Variants in TEKTIP1 observed in about 807,000 individuals in gnomAD.
TEKTIP1 encodes tektin bundle-interacting protein 1.
the TEKTIP1 span, chr19:3,541,709 A>G: frequency 1.0e-6 from 1 of 985,232 alleles, no homozygotes; most frequent in African/African-American, 1.7e-5. Context: ...TGCATGTACC[A>G]CCTGCTCCTG....
chr19:3,541,713 G>A, the TEKTIP1 span: 3 of 985,284 alleles, frequency 3.0e-6, no homozygotes, highest in Non-Finnish European at 3.6e-6. Flanking sequence ...TGTACCACCT[G>A]CTCCTGGGAG....
the TEKTIP1 span, chr19:3,543,143 C>A: frequency 6.6e-7 from 1 of 1,512,648 alleles, no homozygotes. Context: ...GTGGGCCAGG[C>A]CTCTACATCA....
the TEKTIP1 span, chr19:3,543,554 G>C: frequency 7.0e-7 from 1 of 1,432,222 alleles, no homozygotes; most frequent in African/African-American, 1.6e-5. Flanking sequence ...CCCCACCGCA[G>C]CCTACACCCA....
the TEKTIP1 span, chr19:3,543,188 A>G: frequency 1.3e-6 from 2 of 1,528,064 alleles, no homozygotes; most frequent in Non-Finnish European, 1.8e-6. Context: ...GGGTCAAAGC[A>G]CTCGCTGTAG....
the TEKTIP1 span, among the ~76,000 whole-genome samples, chr19:3,540,467 A>T: frequency 1.3e-5 from 2 of 149,446 alleles, no homozygotes; most frequent in Admixed American, 6.7e-5. Flanking sequence ...CATGTTGGCC[A>T]GGATGGTCTC....
chr19:3,543,778 G>A, the TEKTIP1 span: 3 of 1,491,776 alleles, frequency 2.0e-6, no homozygotes, highest in South Asian at 3.9e-5. Flanking sequence ...GCCCCTTGCT[G>A]GCCAACGGCG....
At chr19:3,543,832 T>G in the TEKTIP1 span, 1 of 1,530,072 alleles carries the variant, frequency 6.5e-7, no homozygotes. Context: ...CCTACAGTGC[T>G]CAACAGGAAC....
chr19:3,543,978 TC>T, the TEKTIP1 span: 8 of 1,546,596 alleles, frequency 5.2e-6, no homozygotes, highest in Middle Eastern at 1.7e-4. Flanking sequence ...CTGCCAGCGG[TC>T]CCCGCCTTCC....
At chr19:3,543,102 T>C in the TEKTIP1 span, 1 of 1,538,600 alleles carries the variant, frequency 6.5e-7, no homozygotes, top group Non-Finnish European at 8.7e-7. Context: ...AAGGACAGAC[T>C]CCAAGTGGCG....
chr19:3,539,562 C>CG, the TEKTIP1 span: 29 of 389,216 alleles, frequency 7.5e-5, no homozygotes, highest in Non-Finnish European at 1.3e-4. Context: ...CAGGCCTGTG[C>CG]GGGGCTGGGC....
the TEKTIP1 span, chr19:3,539,441 T>TG: frequency 7.0e-5 from 41 of 586,856 alleles, no homozygotes; most frequent in Middle Eastern, 1.3e-3. Context: ...CCGCTCACTG[T>TG]GGGGGCTACA....
At chr19:3,543,782 A>C in the TEKTIP1 span, 1 of 1,492,150 alleles carries the variant, frequency 6.7e-7, no homozygotes, top group South Asian at 1.3e-5. Context: ...CTTGCTGGCC[A>C]ACGGCGAGGA....
At chr19:3,544,013 G>A in the TEKTIP1 span, 4 of 1,533,378 alleles carry the variant, frequency 2.6e-6, no homozygotes, top group Non-Finnish European at 3.5e-6. Context: ...CCCGATAAAG[G>A]CATGCTACCA....
chr19:3,543,629 C>G, the TEKTIP1 span: 1 of 1,544,394 alleles, frequency 6.5e-7, no homozygotes, highest in Non-Finnish European at 8.7e-7. Flanking sequence ...CCCCAGCACC[C>G]GGTGGGGGAG....
At chr19:3,543,413 C>T in the TEKTIP1 span, 140 of 1,547,986 alleles carry the variant, frequency 9.0e-5, 2 homozygotes, top group Middle Eastern at 1.7e-3. Context: ...CAGCCCCTTC[C>T]GCGAGGCCTA....
the TEKTIP1 span, chr19:3,543,342 A>C: frequency 1.3e-6 from 2 of 1,549,576 alleles, no homozygotes; most frequent in Non-Finnish European, 1.7e-6. Context: ...CAGCTGTGGT[A>C]CACAGGCCTG....
At chr19:3,542,702 C>T in the TEKTIP1 span, 17 of 1,265,272 alleles carry the variant, frequency 1.3e-5, no homozygotes, top group East Asian at 1.1e-4. Flanking sequence ...AGGCTGGTCT[C>T]GAACTCCTGA....
chr19:3,539,616 G>A, the TEKTIP1 span: 2 of 253,636 alleles, frequency 7.9e-6, no homozygotes, highest in East Asian at 7.4e-5. Context: ...CTTGCAGCCC[G>A]TGGTGGCTCT....
the TEKTIP1 span, chr19:3,543,407 C>T: frequency 6.5e-7 from 1 of 1,548,348 alleles, no homozygotes; most frequent in Non-Finnish European, 8.7e-7. Flanking sequence ...CCCGGCCAGC[C>T]CCTTCCGCGA....
Sources: gnomAD v4.1 joint callset for allele counts (sites outside exome capture counted in the v4.1 genomes callset) on GRCh38, gnomAD v4.1.1 for gene constraint, MANE v1.5 for transcripts, NCBI Gene and HGNC (gene_info 2026-07-23, HGNC 2026-07-21) for gene names.